TMEM38B: variants seen among roughly 807,000 people sequenced by gnomAD.
TMEM38B encodes the protein transmembrane protein 38B.
Under a neutral mutation model 28.7 loss-of-function variants are expected in TMEM38B, and 24 were observed. That is an observed-to-expected ratio of 0.84 (90% CI 0.61 to 1.18). The LOEUF (loss-of-function observed/expected upper bound fraction) is 1.18, where lower values mean the gene tolerates loss of function less well. TMEM38B is among the 50% of genes most tolerant of loss of function. TMEM38B has a pLI of 0.00. For synonymous variants in TMEM38B, 131 were observed against 127.7 expected, an observed-to-expected ratio of 1.03 and a Z score of -0.17; for missense variants, 380 against 350.9, an observed-to-expected ratio of 1.08 and a Z score of -0.66.
intron 5 of TMEM38B, among the ~76,000 whole-genome samples, chr9:105,763,624 A>G (rs1290516176): frequency 8.5e-5 from 13 of 152,356 alleles, no homozygotes; most frequent in South Asian, 2.1e-4. Flanking sequence ...AGGACCAGAC[A>G]GATTCACAGC....
chr9:105,760,225 C>T (rs1837989905), intron 5 of TMEM38B: 19 of 875,724 alleles, frequency 2.2e-5, no homozygotes, highest in Non-Finnish European at 3.1e-5. Flanking sequence ...GTCCAAACTT[C>T]ATGATGCAAT....
chr9:105,728,324 T>C (rs961285382), intron 4 of TMEM38B, among the ~76,000 whole-genome samples: 1 of 151,892 alleles, frequency 6.6e-6, no homozygotes, highest in Non-Finnish European at 1.5e-5. Context: ...CTTCCACTTA[T>C]GAGTGAGAAC....
At chr9:105,745,343 A>G (rs868782965) in intron 4 of TMEM38B, among the ~76,000 whole-genome samples, 6 of 152,274 alleles carry the variant, frequency 3.9e-5, no homozygotes, top group South Asian at 4.2e-4. Flanking sequence ...GCCAGTGATG[A>G]TGAGCATTTT....
intron 5 of TMEM38B, among the ~76,000 whole-genome samples, chr9:105,769,683 A>G (rs559586612): frequency 6.6e-5 from 10 of 151,988 alleles, no homozygotes; most frequent in South Asian, 4.1e-4. Context: ...TGTTTTTTCA[A>G]TATATTTTTA....
At chr9:105,751,229 A>T (rs571660154) in intron 5 of TMEM38B, among the ~76,000 whole-genome samples, 6 of 152,332 alleles carry the variant, frequency 3.9e-5, no homozygotes, top group African/African-American at 1.4e-4. Context: ...CCCATGGAGA[A>T]GGAAGAAAAG....
intron 1 of TMEM38B, among the ~76,000 whole-genome samples, chr9:105,700,533 T>A (rs1292716457): frequency 1.1e-4 from 17 of 152,222 alleles, no homozygotes; most frequent in Non-Finnish European, 1.8e-4. Flanking sequence ...AATTTCTTAC[T>A]ATTCTGTGCC....
chr9:105,708,048 C>G (rs1444113338), intron 2 of TMEM38B, among the ~76,000 whole-genome samples: 1 of 152,108 alleles, frequency 6.6e-6, no homozygotes, highest in Non-Finnish European at 1.5e-5. Context: ...TACTAACCTC[C>G]TGGATGATTG....
At chr9:105,709,966 A>T (rs1564388665) in intron 2 of TMEM38B, among the ~76,000 whole-genome samples, 1 of 152,240 alleles carries the variant, frequency 6.6e-6, no homozygotes. Context: ...ATAATTTATT[A>T]TGGACCTATT....
Position 105,760,657 on chromosome 9 carries a change from A to C in TMEM38B, c.660+12467A>C, listed in dbSNP as rs1255873627. The C allele has an allele frequency of 1.5e-5, 14 of 935,118 alleles. No homozygotes were observed. In the Admixed American group the frequency reaches 2.4e-4, roughly 16 times the overall value. The allele number at this position is 935,118 out of a possible 1,614,324, so 57.9% of individuals were successfully genotyped here. ...CTTGATATATCAGAAAAGATTTCCA[A>C]CCACGGAGATTGAAGCAGCACTTTT... On this transcript the variant is annotated intron_variant, in intron 5 of 5. Coordinates refer to ENST00000374692, the MANE Select transcript of TMEM38B (RefSeq NM_018112.3).
rs541074888 is a variant in TMEM38B at position 105,755,500 on chromosome 9, C to A, written c.660+7310C>A. On this transcript the variant is annotated intron_variant, in intron 5 of 5. Transcript: ENST00000374692. ...TAGATAATAAAAAAGAAGTGTGACT[C>A]CTCTGAGTTTGTTGTTCTTTTTCAG... Among the ~76,000 whole-genome samples, 6 of 152,282 alleles carry A rather than the reference C, an allele frequency of 3.9e-5. No individual in the cohort carries two copies. The East Asian group carries it at 9.6e-4, about 24-fold the overall frequency.
intron 5 of TMEM38B, among the ~76,000 whole-genome samples, chr9:105,754,523 C>T (rs144954913): frequency 4.3e-4 from 66 of 152,240 alleles, no homozygotes; most frequent in African/African-American, 1.6e-3. Flanking sequence ...TGCTCCTGAA[C>T]GACTCTTGGG....
chr9:105,774,137 T>A lies in TMEM38B; in HGVS notation c.*57T>A, dbSNP rs1826653152. ...TTTTTTTTCTTATCTACCTGTTATA[T>A]TGTGCTAATTTTTCTATGTATGTGA... On this transcript the variant is annotated 3_prime_UTR_variant, in exon 6 of 6. Transcript: ENST00000374692. 7.1e-7 allele frequency: 1 copy of A among 1,412,146 alleles called. No individual in the cohort carries two copies. The highest frequency in any genetic ancestry group is 2.4e-5 in the East Asian group (1 of 41,348). 87.5% of individuals were successfully genotyped at this position (1,412,146 alleles called of 1,614,324 possible). A position where few individuals can be genotyped will look rare whatever the true frequency, so the allele number is the denominator to read the frequency against.
At chr9:105,706,352 C>T (rs1057094434) in intron 2 of TMEM38B, among the ~76,000 whole-genome samples, 2 of 152,204 alleles carry the variant, frequency 1.3e-5, no homozygotes, top group African/African-American at 2.4e-5. Flanking sequence ...AGTGCAGTGG[C>T]GCGCTCTCAG....
intron 2 of TMEM38B, among the ~76,000 whole-genome samples, chr9:105,719,940 A>G (rs73518141): frequency 0.034 from 5,234 of 152,122 alleles, 238 homozygotes; most frequent in African/African-American, 0.1. Flanking sequence ...AAGTGTGTAT[A>G]CTTTTCCCCC....
chr9:105,703,291 C>T (rs1227381390), intron 1 of TMEM38B, among the ~76,000 whole-genome samples: 3 of 152,126 alleles, frequency 2.0e-5, no homozygotes, highest in African/African-American at 4.8e-5. Flanking sequence ...TCCAGACCAG[C>T]GTGGCCAACA....
At chr9:105,713,442 C>T (rs950840019) in intron 2 of TMEM38B, among the ~76,000 whole-genome samples, 13 of 152,322 alleles carry the variant, frequency 8.5e-5, no homozygotes, top group Admixed American at 2.6e-4. Flanking sequence ...TGAGCCTAGG[C>T]GCTGTCACAG....
chr9:105,727,696 C>G (rs1193322944), intron 4 of TMEM38B, among the ~76,000 whole-genome samples: 2 of 152,082 alleles, frequency 1.3e-5, no homozygotes, highest in Non-Finnish European at 2.9e-5. Flanking sequence ...ATCCATTCAT[C>G]TGTTGATATG....
chr9:105,771,361 C>G (rs548343700), intron 5 of TMEM38B, among the ~76,000 whole-genome samples: 1 of 152,278 alleles, frequency 6.6e-6, no homozygotes, highest in Admixed American at 6.5e-5. Flanking sequence ...GTGTCTATCT[C>G]AGCTGTAATT....
At chr9:105,728,226 A>G (rs534992667) in intron 4 of TMEM38B, among the ~76,000 whole-genome samples, 1 of 152,140 alleles carries the variant, frequency 6.6e-6, no homozygotes, top group Admixed American at 6.5e-5. Context: ...ATTTCTCCTA[A>G]CACTATCTCT....
Sources: allele counts gnomAD v4.1 joint callset (sites outside exome capture counted in the v4.1 genomes callset), GRCh38; gene constraint gnomAD v4.1.1; transcripts MANE v1.5; gene names NCBI Gene and HGNC (gene_info 2026-07-23, HGNC 2026-07-21).